PWWP3B: variants seen among roughly 807,000 people sequenced by gnomAD.
PWWP3B encodes PWWP domain containing 3B.
In PWWP3B, 5 loss-of-function variants were observed where a neutral mutation model predicts 15.7. That is an observed-to-expected ratio of 0.32 (90% CI 0.17 to 0.67). The LOEUF is 0.67. Ranked by LOEUF, PWWP3B falls within the 30% of genes least tolerant of loss-of-function variation. PWWP3B has a pLI of 0.74. For synonymous variants in PWWP3B, 203 were observed against 179.8 expected, an observed-to-expected ratio of 1.13 and a Z score of -1.03; for missense variants, 519 against 493.1, an observed-to-expected ratio of 1.05 and a Z score of -0.50.
chrX:106,208,441 T>A lies in PWWP3B; in HGVS notation c.*918T>A, dbSNP rs1222511723. 8.1e-6 allele frequency: 1 copy of A among 124,077 alleles called. No individual in the cohort carries two copies. Among genetic ancestry groups the A allele is most frequent in the Non-Finnish European group, 1.9e-5 (1 of 53,466 alleles). The allele number at this position is 124,077 out of a possible 1,213,427, so 10.2% of individuals were successfully genotyped here. A position where few individuals can be genotyped will look rare whatever the true frequency, so the allele number is the denominator to read the frequency against. On this transcript the variant is annotated 3_prime_UTR_variant, in exon 4 of 4. Coordinates refer to ENST00000357175, the MANE Select transcript of PWWP3B (RefSeq NM_001171020.2). Reference sequence around the variant, plus strand: ...CTGCTTAAGTGCCCATCTCGTTTGATATAAACTGTAGAAAAGGCAAGCACT... The same window carrying A: ...CTGCTTAAGTGCCCATCTCGTTTGAAATAAACTGTAGAAAAGGCAAGCACT...
At chrX:106,182,882 GA>G (rs1470472340) in intron 2 of PWWP3B, among the ~76,000 whole-genome samples, 1 of 111,491 alleles carries the variant, frequency 9.0e-6, no homozygotes, top group African/African-American at 3.3e-5. Flanking sequence ...TTTTAAGGAG[GA>G]AGGGGTTTTT....
intron 2 of PWWP3B, among the ~76,000 whole-genome samples, chrX:106,173,931 C>T (rs1198113992): frequency 9.0e-6 from 1 of 111,525 alleles, no homozygotes; most frequent in East Asian, 2.8e-4. Flanking sequence ...CAAACCCACA[C>T]TGTCTGATTT....
intron 2 of PWWP3B, among the ~76,000 whole-genome samples, chrX:106,198,504 C>T (rs749610885): frequency 9.0e-6 from 1 of 111,356 alleles, no homozygotes; most frequent in East Asian, 2.8e-4. Context: ...AGGAAATAAC[C>T]ATCTAATTAT....
intron 2 of PWWP3B, among the ~76,000 whole-genome samples, chrX:106,189,612 CTTTTTTT>C (rs1277003635): frequency 2.1e-4 from 16 of 77,834 alleles, no homozygotes; most frequent in Admixed American, 5.8e-4. Context: ...GCCACATTTT[CTTTTTTT>C]TTTTTTTTTT....
At chrX:106,203,474 G>A (rs1287722985) in intron 2 of PWWP3B, among the ~76,000 whole-genome samples, 1 of 111,927 alleles carries the variant, frequency 8.9e-6, no homozygotes, top group Non-Finnish European at 1.9e-5. Flanking sequence ...CAACTCATGA[G>A]CAGTTCTGGT....
In PWWP3B at chrX:106,207,673, A is replaced by G; in HGVS notation, c.*150A>G. On this transcript the variant is annotated 3_prime_UTR_variant, in exon 4 of 4. Coordinates refer to ENST00000357175, the MANE Select transcript of PWWP3B (RefSeq NM_001171020.2). ...TTTGAGATCTCTAGGATCTGTGGTTATAATTACATCTTTATTTCCTTTTCT... is the reference window on the plus strand; with the variant it reads ...TTTGAGATCTCTAGGATCTGTGGTTGTAATTACATCTTTATTTCCTTTTCT... 2.1e-6 allele frequency: 1 copy of G among 470,374 alleles called. No homozygotes were observed. 38.8% of individuals were successfully genotyped at this position (470,374 alleles called of 1,213,427 possible). A position where few individuals can be genotyped will look rare whatever the true frequency, so the allele number is the denominator to read the frequency against.
intron 2 of PWWP3B, among the ~76,000 whole-genome samples, chrX:106,179,844 A>G (rs759006533): frequency 4.5e-5 from 5 of 112,351 alleles, no homozygotes; most frequent in Non-Finnish European, 7.5e-5. Flanking sequence ...TAAAAGCCAC[A>G]GATTCTAATG....
intron 2 of PWWP3B, among the ~76,000 whole-genome samples, chrX:106,194,390 A>G (rs1166891089): frequency 8.9e-6 from 1 of 111,891 alleles, no homozygotes; most frequent in Non-Finnish European, 1.9e-5. Flanking sequence ...TTTCCGCTCC[A>G]TCAGGTCCTT....
chrX:106,183,921 C>G (rs1440520930), intron 2 of PWWP3B, among the ~76,000 whole-genome samples: 1 of 112,191 alleles, frequency 8.9e-6, no homozygotes, highest in East Asian at 2.8e-4. Flanking sequence ...GTGTGCCTTC[C>G]AGTGATTGCC....
At chrX:106,191,822 T>C (rs1922988132) in intron 2 of PWWP3B, among the ~76,000 whole-genome samples, 1 of 112,093 alleles carries the variant, frequency 8.9e-6, no homozygotes, top group Non-Finnish European at 1.9e-5. Flanking sequence ...TCTTTGGTTC[T>C]GTTTATATGT....
chrX:106,194,248 T>C (rs1435990882), intron 2 of PWWP3B, among the ~76,000 whole-genome samples: 1 of 111,511 alleles, frequency 9.0e-6, no homozygotes, highest in African/African-American at 3.3e-5. Context: ...TTCTTTTCAT[T>C]CTTTTTTCTC....
Position 106,207,732 on chromosome X carries a change from T to G in PWWP3B, c.*209T>G. On this transcript the variant is annotated 3_prime_UTR_variant, in exon 4 of 4. Coordinates refer to ENST00000357175, the MANE Select transcript of PWWP3B (RefSeq NM_001171020.2). ...TTCAAAGTTAATTTTGTCAACATAT[T>G]TCAGCAGTTCTACTTTCCCGTACAT... 1 of 351,541 alleles carries G rather than the reference T, an allele frequency of 2.8e-6. No homozygotes were observed. The highest frequency in any genetic ancestry group is 5.0e-6 in the Non-Finnish European group (1 of 200,670). The allele number at this position is 351,541 out of a possible 1,213,427, so 29.0% of individuals were successfully genotyped here.
At chrX:106,187,883 A>C (rs1450396385) in intron 2 of PWWP3B, among the ~76,000 whole-genome samples, 1 of 112,182 alleles carries the variant, frequency 8.9e-6, no homozygotes, top group Non-Finnish European at 1.9e-5. Flanking sequence ...TATTTATTCT[A>C]TGACCACTCT....
intron 2 of PWWP3B, among the ~76,000 whole-genome samples, chrX:106,190,687 G>T (rs1354538595): frequency 3.6e-5 from 4 of 111,856 alleles, no homozygotes; most frequent in Non-Finnish European, 5.6e-5. Context: ...GGTCTAACAT[G>T]TAAGTCTTTA....
intron 2 of PWWP3B, among the ~76,000 whole-genome samples, chrX:106,180,642 C>T (rs1330111498): frequency 8.9e-6 from 1 of 111,853 alleles, no homozygotes; most frequent in African/African-American, 3.3e-5. Context: ...GCCTCTAAAA[C>T]CACTAGTTTT....
chrX:106,203,450 A>T (rs1923815008), intron 2 of PWWP3B, among the ~76,000 whole-genome samples: 1 of 111,865 alleles, frequency 8.9e-6, no homozygotes, highest in Non-Finnish European at 1.9e-5. Flanking sequence ...TCTGATAGTG[A>T]GTGAAGTCCC....
In PWWP3B at chrX:106,179,808, C is replaced by T. The variant is rs746485147; in HGVS notation, c.-401+8669C>T. 8.1e-4 allele frequency among the ~76,000 whole-genome samples: 91 copies of T among 112,187 alleles called. No individual in the cohort carries two copies. In the Middle Eastern group the frequency reaches 0.018, roughly 23 times the overall value. On this transcript the variant is annotated intron_variant, in intron 2 of 3. Coordinates refer to ENST00000357175, the MANE Select transcript of PWWP3B (RefSeq NM_001171020.2). Reference sequence around the variant, plus strand: ...TATGGGATACAACTGATTTCACTCTCGCTCAGTAGCCATAACATTTTAAAT... The same window carrying T: ...TATGGGATACAACTGATTTCACTCTTGCTCAGTAGCCATAACATTTTAAAT...
rs766507481 is a variant in PWWP3B at position 106,205,835 on chromosome X, C to T, written c.403C>T (p.Arg135Trp). 2.0e-5 allele frequency: 24 copies of T among 1,209,387 alleles called. No individual in the cohort carries two copies. Among genetic ancestry groups the T allele is most frequent in the East Asian group, 3.0e-5 (1 of 33,714 alleles). Residue 135 changes from arginine to tryptophan, a missense_variant, in exon 4 of 4, where the codon CGG becomes TGG. Arg to Trp is a moderately radical substitution (Grantham distance 101). Transcript: ENST00000357175. ...QSDSPPHKKYRKDEGDLPGCL... is the reference protein window; with the variant it reads ...QSDSPPHKKYWKDEGDLPGCL... ...CGATTCACCCCCTCATAAAAAATACCGGAAGGATGAAGGTGACTTACCAGG... is the reference window on the plus strand; with the variant it reads ...CGATTCACCCCCTCATAAAAAATACTGGAAGGATGAAGGTGACTTACCAGG...
rs748961511 is a variant in PWWP3B at position 106,205,900 on chromosome X, A to T, written c.468A>T (p.Ala156=). 5 of 1,211,374 alleles carry T rather than the reference A, an allele frequency of 4.1e-6. No homozygotes were observed. The South Asian group carries it at 5.3e-5, about 13-fold the overall frequency. ...GGGAAAACTCAGCATGCTTGTTAGC[A>T]TCTTCAGAGAGTGATGATTCCCTGT... ...EERENSACLL[A]SSESDDSLYD... Residue 156 remains alanine, a synonymous_variant, in exon 4 of 4, where the codon GCA becomes GCT. Coordinates refer to ENST00000357175, the MANE Select transcript of PWWP3B (RefSeq NM_001171020.2).
Sources: gnomAD v4.1 joint callset for allele counts (sites outside exome capture counted in the v4.1 genomes callset) on GRCh38, gnomAD v4.1.1 for gene constraint, MANE v1.5 for transcripts, NCBI Gene and HGNC (gene_info 2026-07-23, HGNC 2026-07-21) for gene names.